Variants in CRIM1 observed in about 807,000 individuals in gnomAD.
CRIM1 encodes the protein cysteine-rich motor neuron 1 protein.
In CRIM1, 32 loss-of-function variants were observed where a neutral mutation model predicts 116.4. The observed-to-expected ratio is 0.27, with a 90% CI of 0.21 to 0.37. CRIM1 has a LOEUF of 0.37. Ranked by LOEUF, CRIM1 falls within the 10% of genes least tolerant of loss-of-function variation. The pLI is 1.00. For synonymous variants in CRIM1, 590 were observed against 509.2 expected (o/e 1.16, Z -2.13); for missense variants, 1,331 against 1,354.8 (o/e 0.98, Z 0.28).
At chr2:36,457,357 A>C (rs1241234614) in intron 4 of CRIM1, among the ~76,000 whole-genome samples, 3 of 140,232 alleles carry the variant, frequency 2.1e-5, no homozygotes, top group Non-Finnish European at 4.6e-5. Flanking sequence ...AGCGTAAAAC[A>C]ACAACAACGA....
At chr2:36,469,199 G>C (rs1487067647) in intron 5 of CRIM1, among the ~76,000 whole-genome samples, 1 of 152,156 alleles carries the variant, frequency 6.6e-6, no homozygotes. Flanking sequence ...AGTGGTGGGT[G>C]GATGGGGTGG....
chr2:36,360,136 G>A (rs1331546591), intron 1 of CRIM1, among the ~76,000 whole-genome samples: 4 of 152,202 alleles, frequency 2.6e-5, no homozygotes, highest in Non-Finnish European at 5.9e-5. Context: ...GGGGTTGAGA[G>A]CCATTTCTTC....
At chr2:36,420,468 C>G (rs1053684477) in intron 2 of CRIM1, among the ~76,000 whole-genome samples, 1 of 152,174 alleles carries the variant, frequency 6.6e-6, no homozygotes, top group Non-Finnish European at 1.5e-5. Flanking sequence ...ATTGTCTCAA[C>G]TGTTCAGTCC....
chr2:36,537,368 G>A lies in CRIM1; in HGVS notation c.2445G>A (p.Lys815=). ...TTTCACTAGAAGACACAATTCCAAA[G>A]AAGGTGGTGTGCCACTTCAGTGGGA... ...CPYCIEDTIP[K]KVVCHFSGKA... Residue 815 remains lysine, a synonymous_variant, in exon 14 of 17, where the codon AAG becomes AAA. Coordinates refer to ENST00000280527, the MANE Select transcript of CRIM1 (RefSeq NM_016441.3). The A allele has an allele frequency of 6.2e-7, 1 of 1,614,192 alleles. No homozygotes were observed. Among genetic ancestry groups the A allele is most frequent in the Non-Finnish European group, 8.5e-7 (1 of 1,180,042 alleles).
chr2:36,445,179 A>T (rs1676144272), intron 4 of CRIM1, among the ~76,000 whole-genome samples: 1 of 152,152 alleles, frequency 6.6e-6, no homozygotes, highest in African/African-American at 2.4e-5. Flanking sequence ...AAAAAGAATG[A>T]ATATTTTTAG....
At chr2:36,505,747 C>T (rs1432103189) in intron 8 of CRIM1, among the ~76,000 whole-genome samples, 1 of 147,678 alleles carries the variant, frequency 6.8e-6, no homozygotes, top group African/African-American at 2.5e-5. Flanking sequence ...TAACAAAAAA[C>T]AAGTACAATG....
rs371934785 is a variant in CRIM1 at position 36,442,684 on chromosome 2, A to T, written c.818A>T (p.Tyr273Phe). The change falls in exon 4 of 17, where the codon TAT (tyrosine) becomes TTT (phenylalanine). Residue 273 changes from tyrosine (Y) to phenylalanine (F), a missense_variant. Around this residue, in one of 3 missense-constraint regions of CRIM1, gnomAD observed 690 missense variants for 676.0 expected, o/e 1.02. Transcript: ENST00000280527. The stretch of plus-strand genomic sequence containing the variant: ...CAGACCGCGTGTCCCCCGGACAGCT[A>T]TGAAACTCAAGTCAGACTAACTGCA... ...VQQTACPPDS[Y>F]ETQVRLTADG... 6.2e-7 allele frequency: 1 copy of T among 1,614,084 alleles called. No individual in the cohort carries two copies. Among genetic ancestry groups the T allele is most frequent in the African/African-American group, 1.3e-5 (1 of 74,920 alleles).
rs1439612658 is a variant in CRIM1, at chr2:36,537,479, C to A, written c.2556C>A (p.Val852=). 6.2e-7 allele frequency: 1 copy of A among 1,614,238 alleles called. No homozygotes were observed. The highest frequency in any genetic ancestry group is 8.5e-7 in the Non-Finnish European group (1 of 1,180,030). Residue 852 remains valine (V), a synonymous_variant, in exon 14 of 17, where the codon GTC becomes GTA. Coordinates refer to ENST00000280527, the MANE Select transcript of CRIM1 (RefSeq NM_016441.3). ...AGGGCCAGACCCTCTGCTCGACCGTCAGCTGCCCCCCTCTGCCCTGTGTTG... is the reference window on the plus strand; with the variant it reads ...AGGGCCAGACCCTCTGCTCGACCGTAAGCTGCCCCCCTCTGCCCTGTGTTG... ...CLQGQTLCST[V]SCPPLPCVEP... is the part of the protein sequence containing the mutation.
At chr2:36,373,070 CTT>C (rs931463355) in intron 1 of CRIM1, among the ~76,000 whole-genome samples, 9 of 152,216 alleles carry the variant, frequency 5.9e-5, no homozygotes, top group African/African-American at 2.2e-4. Context: ...TCAGTGTTGC[CTT>C]CTCTAAGACT....
intron 2 of CRIM1, among the ~76,000 whole-genome samples, chr2:36,412,470 T>C (rs909270523): frequency 1.5e-4 from 23 of 152,188 alleles, no homozygotes; most frequent in Non-Finnish European, 2.5e-4. Flanking sequence ...ACTGCTCTCT[T>C]TATTGAAATA....
At chr2:36,443,823 G>A (rs1431433155) in intron 4 of CRIM1, among the ~76,000 whole-genome samples, 1 of 152,114 alleles carries the variant, frequency 6.6e-6, no homozygotes, top group Non-Finnish European at 1.5e-5. Flanking sequence ...TAAATCCTTG[G>A]CATCTCCTAG....
chr2:36,366,913 T>C lies in CRIM1; in HGVS notation c.331+10290T>C, dbSNP rs1391796232. Among the ~76,000 whole-genome samples the C allele has an allele frequency of 2.6e-5, 4 of 152,218 alleles. No homozygotes were observed. The South Asian group carries it at 6.2e-4, about 24-fold the overall frequency. On this transcript the variant is annotated intron_variant, in intron 1 of 16. Transcript: ENST00000280527. Reference sequence around the variant, plus strand: ...AGTAGTTGGACCACTTCAGGCCTTATGGTGTGAGGAGTGTGGGATGCATAG... The same window carrying C: ...AGTAGTTGGACCACTTCAGGCCTTACGGTGTGAGGAGTGTGGGATGCATAG...
chr2:36,375,254 G>C (rs185789132), intron 1 of CRIM1, among the ~76,000 whole-genome samples: 1 of 151,444 alleles, frequency 6.6e-6, no homozygotes, highest in Admixed American at 6.6e-5. Flanking sequence ...TACAAAATTC[G>C]AAAAAAAACT....
intron 13 of CRIM1, among the ~76,000 whole-genome samples, chr2:36,528,280 A>T (rs1251547168): frequency 6.6e-6 from 1 of 152,168 alleles, no homozygotes; most frequent in African/African-American, 2.4e-5. Context: ...GGCCGAGAAT[A>T]TCTTAGATAA....
At chr2:36,405,580 C>A (rs1019093650) in intron 2 of CRIM1, among the ~76,000 whole-genome samples, 1 of 152,204 alleles carries the variant, frequency 6.6e-6, no homozygotes, top group Non-Finnish European at 1.5e-5. Context: ...CCAGGAGAAG[C>A]TGCTGCTGCC....
At chr2:36,504,791 A>G (rs1425023627) in intron 8 of CRIM1, among the ~76,000 whole-genome samples, 1 of 152,214 alleles carries the variant, frequency 6.6e-6, no homozygotes, top group African/African-American at 2.4e-5. Context: ...CCTGCTTACT[A>G]CATAAACTCT....
rs370542815 is a variant in CRIM1, at chr2:36,513,678, C to T, written c.1903C>T (p.Arg635Trp). Residue 635 changes from arginine (R) to tryptophan (W), a missense_variant, in exon 11 of 17, where the codon CGG becomes TGG. By Grantham distance (101) the Arg-to-Trp change is moderately radical. This residue lies in a region of CRIM1 where 358 missense variants were observed against 436.1 expected (regional missense o/e 0.82). Transcript: ENST00000280527. ...CCGGGAATGCTACTGTCTCAATGGA[C>T]GGGAAATGTGTGCCCTGATCACCTG... ...GCRECYCLNGREMCALITCPV... is the reference protein window; with the variant it reads ...GCRECYCLNGWEMCALITCPV... 9.3e-6 allele frequency: 15 copies of T among 1,614,088 alleles called. No individual in the cohort carries two copies. Among genetic ancestry groups the T allele is most frequent in the Non-Finnish European group, 1.3e-5 (15 of 1,180,040 alleles).
chr2:36,455,594 G>C (rs1164268407), intron 4 of CRIM1, among the ~76,000 whole-genome samples: 3 of 152,168 alleles, frequency 2.0e-5, no homozygotes, highest in South Asian at 2.1e-4. Context: ...GGAAGGGAAG[G>C]TTTGCATGAG....
At chr2:36,472,205 A>G (rs998489489) in intron 5 of CRIM1, among the ~76,000 whole-genome samples, 4 of 152,170 alleles carry the variant, frequency 2.6e-5, no homozygotes, top group African/African-American at 9.7e-5. Flanking sequence ...ACTTTTCCAC[A>G]TCCACTTAAA....
Sources: gnomAD v4.1 joint callset for allele counts (sites outside exome capture counted in the v4.1 genomes callset) on GRCh38, gnomAD v4.1.1 for gene constraint, gnomAD v4.1.1 regional missense constraint, MANE v1.5 for transcripts, NCBI Gene and HGNC (gene_info 2026-07-23, HGNC 2026-07-21) for gene names.